AP2A2: variants seen among roughly 807,000 people sequenced by gnomAD.
AP2A2 encodes the protein adaptor related protein complex 2 subunit alpha 2, also known as AP-2 complex subunit alpha-2.
AP2A2 carries 32 observed loss-of-function variants against 104.2 expected under a neutral mutation model. The observed-to-expected ratio is 0.31, with a 90% CI of 0.23 to 0.41. The LOEUF is 0.41. AP2A2 is among the 10% of genes least tolerant of loss of function. AP2A2 has a pLI of 1.00. For missense variants in AP2A2, 912 were observed against 1,261.0 expected (o/e 0.72, Z 4.19); for synonymous variants, 539 against 533.3 (o/e 1.01, Z -0.15).
At chr11:1,010,291 G>A in intron 21 of AP2A2, 1 of 574,908 alleles carries the variant, frequency 1.7e-6, no homozygotes, top group Non-Finnish European at 3.1e-6. Flanking sequence ...AGTGCTGCAA[G>A]AACATCCCAC....
At chr11:969,695 A>C (rs1308575246) in intron 2 of AP2A2, among the ~76,000 whole-genome samples, 1 of 152,212 alleles carries the variant, frequency 6.6e-6, no homozygotes, top group African/African-American at 2.4e-5. Context: ...CCTTGTTTTC[A>C]TGACCAGCTG....
chr11:978,068 C>T (rs1190100518), intron 5 of AP2A2, among the ~76,000 whole-genome samples: 1 of 152,182 alleles, frequency 6.6e-6, no homozygotes, highest in Non-Finnish European at 1.5e-5. Context: ...AGAGGAAATG[C>T]CCTCTGACAG....
Position 1,006,592 on chromosome 11 carries a change from A to C in AP2A2, c.2271A>C (p.Leu757=). ...STQFLNFTPT[L]ICSDDLQPNL... is the part of the protein sequence containing the mutation. ...AGTTCCTAAACTTTACCCCAACACT[A>C]ATCTGTTCAGACGACCTTCAGCCTA... Residue 757 remains leucine (L), a synonymous_variant, in exon 17 of 22, where the codon CTA becomes CTC. Transcript: ENST00000448903. 1 of 1,613,674 alleles carries C rather than the reference A, an allele frequency of 6.2e-7. No individual in the cohort carries two copies. The highest frequency in any genetic ancestry group is 8.5e-7 in the Non-Finnish European group (1 of 1,179,712).
chr11:956,308 A>G (rs1019156187), intron 1 of AP2A2, among the ~76,000 whole-genome samples: 1 of 152,000 alleles, frequency 6.6e-6, no homozygotes, highest in African/African-American at 2.4e-5. Flanking sequence ...GATTACAGGC[A>G]TGCGCCACCA....
intron 6 of AP2A2, among the ~76,000 whole-genome samples, chr11:983,673 G>A (rs557660792): frequency 6.2e-4 from 95 of 152,284 alleles, no homozygotes; most frequent in South Asian, 4.1e-3. Flanking sequence ...GGGAGCCACC[G>A]CACCTGGCCT....
intron 1 of AP2A2, among the ~76,000 whole-genome samples, chr11:947,896 C>T (rs145296768): frequency 1.3e-5 from 2 of 152,216 alleles, no homozygotes; most frequent in African/African-American, 4.8e-5. Context: ...GTTTGAGGTG[C>T]AATGAACTAT....
intron 2 of AP2A2, among the ~76,000 whole-genome samples, chr11:967,505 G>A (rs964154846): frequency 2.2e-4 from 33 of 152,034 alleles, no homozygotes; most frequent in Admixed American, 7.9e-4. Flanking sequence ...GGGACTACAG[G>A]CGCCCGCCAC....
At chr11:997,894 G>A (rs1590013216) in intron 14 of AP2A2, among the ~76,000 whole-genome samples, 1 of 152,160 alleles carries the variant, frequency 6.6e-6, no homozygotes, top group South Asian at 2.1e-4. Flanking sequence ...AACAGAGTGA[G>A]ACTCGGTCTC....
At chr11:946,297 T>C (rs1272828436) in intron 1 of AP2A2, among the ~76,000 whole-genome samples, 3 of 152,180 alleles carry the variant, frequency 2.0e-5, no homozygotes, top group South Asian at 2.1e-4. Context: ...TAGCAGCTAC[T>C]GGAGGGGACA....
chr11:994,760 C>T lies in AP2A2; in HGVS notation c.1956+515C>T, dbSNP rs11246372. Reference sequence around the variant, plus strand: ...TGCTGGACGCCCCCCTGGCCTGTCCCGGGGGCCACTGTCCCTGCTGCACAC... The same window carrying T: ...TGCTGGACGCCCCCCTGGCCTGTCCTGGGGGCCACTGTCCCTGCTGCACAC... On this transcript the variant is annotated intron_variant, in intron 14 of 21. Coordinates refer to ENST00000448903, the MANE Select transcript of AP2A2 (RefSeq NM_012305.4). 6.7e-3 allele frequency among the ~76,000 whole-genome samples: 928 copies of T among 138,870 alleles called. 3 individuals carry two copies. The highest frequency in any genetic ancestry group is 9.0e-3 in the Non-Finnish European group (565 of 63,110). 91.1% of individuals were successfully genotyped at this position (138,870 alleles called of 152,430 possible).
intron 15 of AP2A2, among the ~76,000 whole-genome samples, 184 bp downstream of exon 15, chr11:1,000,782 T>G (rs1366452487): frequency 2.6e-5 from 4 of 152,094 alleles, no homozygotes; most frequent in African/African-American, 9.7e-5. Context: ...TCTCACAACC[T>G]TGATTTATAT....
chr11:975,069 AGAG>A (rs953479541), intron 4 of AP2A2, among the ~76,000 whole-genome samples: 1 of 152,222 alleles, frequency 6.6e-6, no homozygotes, highest in Non-Finnish European at 1.5e-5. Context: ...ATGGAAGGAC[AGAG>A]TAGGTGCTGA....
rs898157760 is a variant in AP2A2 at position 985,335 on chromosome 11, T to C, written c.815-100T>C. 8 of 1,422,338 alleles carry C rather than the reference T, an allele frequency of 5.6e-6. No individual in the cohort carries two copies. The African/African-American group carries it at 1.1e-4, about 20-fold the overall frequency. The allele number at this position is 1,422,338 out of a possible 1,614,324, so 88.1% of individuals were successfully genotyped here. ...TGGGTACACAAATGTGAATGAACTA[T>C]ATTAAAAATGCTCTCATGATGTATG... On this transcript the variant is annotated intron_variant, in intron 7 of 21. Transcript: ENST00000448903.
At chr11:946,107 G>A (rs185564841) in intron 1 of AP2A2, among the ~76,000 whole-genome samples, 9 of 152,272 alleles carry the variant, frequency 5.9e-5, no homozygotes, top group African/African-American at 1.9e-4. Flanking sequence ...GGCAAAAATG[G>A]TCAAAATCAA....
chr11:971,591 G>A (rs1426652069), intron 3 of AP2A2, among the ~76,000 whole-genome samples: 1 of 152,018 alleles, frequency 6.6e-6, no homozygotes, highest in Non-Finnish European at 1.5e-5. Context: ...CAGTGGGGGT[G>A]GAGGGGGGCG....
intron 14 of AP2A2, among the ~76,000 whole-genome samples, chr11:999,859 C>T (rs1373159397): frequency 1.3e-5 from 2 of 148,156 alleles, no homozygotes; most frequent in East Asian, 2.0e-4. Context: ...GCTGGAGTGC[C>T]GTGGTGCGAT....
intron 7 of AP2A2, 47 bp from the exon 8 acceptor site, chr11:985,388 T>C: frequency 1.3e-6 from 2 of 1,584,508 alleles, no homozygotes; most frequent in Non-Finnish European, 1.7e-6. Context: ...CAGGGTGGGC[T>C]GCGGGCCACT....
In AP2A2 at chr11:936,206, C is replaced by CTT. The variant is rs982315120; in HGVS notation, c.67+10140_67+10141dup. Among the ~76,000 whole-genome samples the CTT allele has an allele frequency of 1.6e-3, 181 of 110,006 alleles. 1 individual carries two copies. The highest frequency in any genetic ancestry group is 3.1e-3 in the East Asian group (11 of 3,506). 72.2% of individuals were successfully genotyped at this position (110,006 alleles called of 152,430 possible). A position where few individuals can be genotyped will look rare whatever the true frequency, so the allele number is the denominator to read the frequency against. ...ACAGGCGTGAACCACTGCGCCTGGC[C>CTT]TTTTTTTTTTTTTTTTTTTTTTTAA... On this transcript the variant is annotated intron_variant, in intron 1 of 21. Transcript: ENST00000448903.
chr11:929,649 A>T (rs1471333689), intron 1 of AP2A2, among the ~76,000 whole-genome samples: 2 of 152,206 alleles, frequency 1.3e-5, no homozygotes, highest in East Asian at 3.8e-4. Flanking sequence ...AAAAAGAATT[A>T]GCCAGGCGTG....
Sources: gnomAD v4.1 joint callset for allele counts (sites outside exome capture counted in the v4.1 genomes callset) on GRCh38, gnomAD v4.1.1 for gene constraint, MANE v1.5 for transcripts, NCBI Gene and HGNC (gene_info 2026-07-23, HGNC 2026-07-21) for gene names.